FSTL4: variants seen among roughly 807,000 people sequenced by gnomAD.
FSTL4 encodes follistatin like 4, also known as follistatin-related protein 4.
In FSTL4, 28 loss-of-function variants were observed where a neutral mutation model predicts 78.2. The ratio of observed to expected loss-of-function variants is 0.36; its 90% CI spans 0.27 to 0.49. The LOEUF (loss-of-function observed/expected upper bound fraction) is 0.49. Ranked by LOEUF, FSTL4 falls within the 20% of genes least tolerant of loss-of-function variation. FSTL4 has a pLI of 0.98. For missense variants in FSTL4, 922 were observed against 1,084.9 expected (o/e 0.85, Z 2.11); for synonymous variants, 422 against 440.5 (o/e 0.96, Z 0.53).
intron 2 of FSTL4, among the ~76,000 whole-genome samples, chr5:133,595,914 T>C (rs980417282): frequency 1.3e-5 from 2 of 152,184 alleles, no homozygotes; most frequent in Non-Finnish European, 2.9e-5. Context: ...GAGGGTGCAC[T>C]TGAAGCAAAG....
Position 133,220,766 on chromosome 5 carries a change from T to G in FSTL4, c.1440A>C (p.Glu480Asp). Reference sequence around the variant, plus strand: ...TACTTACATAGCTCATGAAAATCTTTTCCGTGGGTTTGAGGTGCCTCTGGA... The same window carrying G: ...TACTTACATAGCTCATGAAAATCTTGTCCGTGGGTTTGAGGTGCCTCTGGA... ...CEIQRHLKPT[E>D]KIFMSYEEIC... Residue 480 changes from glutamate to aspartate, a missense_variant, in exon 12 of 16, where the codon GAA becomes GAC. Coordinates refer to ENST00000265342, the MANE Select transcript of FSTL4 (RefSeq NM_015082.2). 6.3e-7 allele frequency: 1 copy of G among 1,595,438 alleles called. No individual in the cohort carries two copies. Among genetic ancestry groups the G allele is most frequent in the Non-Finnish European group, 8.6e-7 (1 of 1,162,868 alleles).
At chr5:133,315,250 C>T (rs771005843) in intron 5 of FSTL4, among the ~76,000 whole-genome samples, 1 of 152,220 alleles carries the variant, frequency 6.6e-6, no homozygotes, top group Non-Finnish European at 1.5e-5. Flanking sequence ...GTGAGGTTCA[C>T]AGCTGAACAC....
intron 4 of FSTL4, among the ~76,000 whole-genome samples, chr5:133,389,381 C>T (rs1005045903): frequency 4.6e-5 from 7 of 152,178 alleles, no homozygotes; most frequent in African/African-American, 1.4e-4. Context: ...CTTAACTTCC[C>T]TGTAACCAGC....
intron 3 of FSTL4, among the ~76,000 whole-genome samples, chr5:133,510,564 T>C (rs1337843330): frequency 6.6e-6 from 1 of 152,068 alleles, no homozygotes; most frequent in Non-Finnish European, 1.5e-5. Context: ...CCATGCAAGC[T>C]TTCAGGAAGA....
chr5:133,733,408 CA>C, the FSTL4 span, among the ~76,000 whole-genome samples: 2 of 152,178 alleles, frequency 1.3e-5, no homozygotes, highest in African/African-American at 4.8e-5. Flanking sequence ...TATTCATAAT[CA>C]CATGCACAAA....
At chr5:133,830,823 T>C in the FSTL4 span, among the ~76,000 whole-genome samples, 2 of 152,146 alleles carry the variant, frequency 1.3e-5, no homozygotes, top group Non-Finnish European at 2.9e-5. Context: ...GCTTCCTCTT[T>C]TCTCTTATCC....
At chr5:133,316,724 C>A in intron 4 of FSTL4, 72 bp from the exon 5 acceptor site, 1 of 1,281,162 alleles carries the variant, frequency 7.8e-7, no homozygotes, top group South Asian at 1.3e-5. Flanking sequence ...TGCCGCTGGT[C>A]CATTCATCTC....
At chr5:133,483,655 G>A (rs960757264) in intron 3 of FSTL4, among the ~76,000 whole-genome samples, 1 of 152,208 alleles carries the variant, frequency 6.6e-6, no homozygotes, top group African/African-American at 2.4e-5. Context: ...TGGTGCTTCG[G>A]AGCTTCTCAT....
intron 3 of FSTL4, among the ~76,000 whole-genome samples, chr5:133,554,464 T>C (rs1368623663): frequency 6.6e-6 from 1 of 152,262 alleles, no homozygotes; most frequent in Non-Finnish European, 1.5e-5. Flanking sequence ...TTTACATTTC[T>C]GAAATGGCTT....
chr5:133,451,148 A>G (rs1757376314), intron 3 of FSTL4, among the ~76,000 whole-genome samples: 1 of 152,192 alleles, frequency 6.6e-6, no homozygotes. Context: ...GGCAGGTTGA[A>G]TTGATTTAGG....
intron 8 of FSTL4, among the ~76,000 whole-genome samples, chr5:133,228,037 G>A (rs1355161931): frequency 4.6e-5 from 7 of 152,062 alleles, no homozygotes. Context: ...GACTAGCCTG[G>A]GCAACATGGC....
chr5:133,563,451 T>C (rs1759963904), intron 3 of FSTL4, among the ~76,000 whole-genome samples: 1 of 152,158 alleles, frequency 6.6e-6, no homozygotes, highest in African/African-American at 2.4e-5. Context: ...TACTAAAAAT[T>C]AACATGAAAA....
the FSTL4 span, among the ~76,000 whole-genome samples, chr5:133,626,484 C>G: frequency 1.3e-5 from 2 of 149,224 alleles, no homozygotes; most frequent in South Asian, 2.1e-4. Context: ...ATTACAGGTG[C>G]GAACCACCGC....
At chr5:133,303,425 C>T (rs1014494713) in intron 6 of FSTL4, among the ~76,000 whole-genome samples, 1 of 152,236 alleles carries the variant, frequency 6.6e-6, no homozygotes, top group African/African-American at 2.4e-5. Context: ...TGTCCAATGC[C>T]TCTCTCTGCC....
At chr5:133,633,848 G>A in the FSTL4 span, among the ~76,000 whole-genome samples, 5 of 151,914 alleles carry the variant, frequency 3.3e-5, no homozygotes, top group East Asian at 5.8e-4. Flanking sequence ...CTTAGTGTCC[G>A]TTGAACTGAG....
the FSTL4 span, among the ~76,000 whole-genome samples, chr5:133,754,333 T>G: frequency 6.6e-6 from 1 of 152,176 alleles, no homozygotes; most frequent in African/African-American, 2.4e-5. Flanking sequence ...AATTCCACAC[T>G]GCACACTTTG....
At chr5:133,299,148 G>A (rs906514306) in intron 6 of FSTL4, among the ~76,000 whole-genome samples, 6 of 152,200 alleles carry the variant, frequency 3.9e-5, no homozygotes, top group Non-Finnish European at 5.9e-5. Context: ...GGCCAGGGCT[G>A]CTTACAGAGG....
intron 4 of FSTL4, among the ~76,000 whole-genome samples, chr5:133,323,552 G>A (rs1754125290): frequency 6.6e-6 from 1 of 152,202 alleles, no homozygotes; most frequent in Admixed American, 6.5e-5. Flanking sequence ...CCCCATCTGG[G>A]GCTTCTTGGG....
At chr5:133,405,643 C>T (rs988949853) in intron 3 of FSTL4, among the ~76,000 whole-genome samples, 7 of 152,324 alleles carry the variant, frequency 4.6e-5, no homozygotes, top group Non-Finnish European at 1.5e-5. Flanking sequence ...TTGGACATAA[C>T]GGTCCCAGTA....
Sources: gnomAD v4.1 joint callset for allele counts (sites outside exome capture counted in the v4.1 genomes callset) on GRCh38, gnomAD v4.1.1 for gene constraint, MANE v1.5 for transcripts, NCBI Gene and HGNC (gene_info 2026-07-23, HGNC 2026-07-21) for gene names.